The following PKHD1L1 variants were observed in gnomAD, a reference collection of about 807,000 sequenced individuals.
The protein encoded by PKHD1L1 is fibrocystin-L.
In PKHD1L1, 434 loss-of-function variants were observed where a neutral mutation model predicts 462.9. The observed-to-expected ratio is 0.94, with a 90% CI of 0.87 to 1.02. The LOEUF (loss-of-function observed/expected upper bound fraction) is 1.02. PKHD1L1 is among the 50% of genes least tolerant of loss of function. PKHD1L1 has a pLI of 0.00. For missense variants in PKHD1L1, 5,202 were observed against 5,096.1 expected (o/e 1.02, Z -0.63); for synonymous variants, 1,781 against 1,750.0 (o/e 1.02, Z -0.44).
intron 49 of PKHD1L1, among the ~76,000 whole-genome samples, chr8:109,465,994 C>T (rs975501079): frequency 2.0e-5 from 3 of 152,056 alleles, no homozygotes; most frequent in Non-Finnish European, 2.9e-5. Flanking sequence ...GTGAGTCAAT[C>T]GACAGGTAAA....
Position 109,485,169 on chromosome 8 carries a change from C to T in PKHD1L1, c.9702C>T (p.His3234=). The T allele has an allele frequency of 6.4e-7, 1 of 1,569,510 alleles. No individual in the cohort carries two copies. Among genetic ancestry groups the T allele is most frequent in the Non-Finnish European group, 8.6e-7 (1 of 1,157,382 alleles). The change falls in exon 58 of 78, where the codon CAC becomes CAT. Residue 3234 remains histidine (H), a synonymous_variant. Coordinates refer to ENST00000378402, the MANE Select transcript of PKHD1L1 (RefSeq NM_177531.6). ...LILNDSLSYT[H]FAEKYHVPGT... Reference sequence around the variant, plus strand: ...TTAATGATAGCCTTTCCTATACTCACTTTGGTAAGTGGATGCTTTTTAACC... The same window carrying T: ...TTAATGATAGCCTTTCCTATACTCATTTTGGTAAGTGGATGCTTTTTAACC...
rs751443002 is a variant in PKHD1L1, at chr8:109,445,043, ATCT to A, written c.5178_5180del (p.Leu1727del). ...GCTGCCCAACAGCTTGTGGATGTAG[ATCT>A]TCTAATACATGGAGTGCCTGCCCAG... On this transcript the variant is annotated inframe_deletion, in exon 38 of 78. Coordinates refer to ENST00000378402, the MANE Select transcript of PKHD1L1 (RefSeq NM_177531.6). 1.4e-5 allele frequency: 22 copies of A among 1,613,874 alleles called. No individual in the cohort carries two copies. The highest frequency in any genetic ancestry group is 1.8e-5 in the Non-Finnish European group (21 of 1,179,888).
At chr8:109,498,944 G>T in intron 67 of PKHD1L1, 173 bp downstream of exon 67, 1 of 634,824 alleles carries the variant, frequency 1.6e-6, no homozygotes. Flanking sequence ...ATGGTTTCTT[G>T]GCAGGATTCT....
At chr8:109,496,800 T>C in intron 63 of PKHD1L1, 119 bp from the exon 64 acceptor site, 1 of 1,052,332 alleles carries the variant, frequency 9.5e-7, no homozygotes, top group East Asian at 2.4e-5. Context: ...TTAAACCTGA[T>C]ATCAGAATTA....
chr8:109,454,167 G>A lies in PKHD1L1; in HGVS notation c.6665G>A (p.Gly2222Asp), dbSNP rs760490273. 3 of 1,600,104 alleles carry A rather than the reference G, an allele frequency of 1.9e-6. No individual in the cohort carries two copies. Among genetic ancestry groups the A allele is most frequent in the African/African-American group, 2.7e-5 (2 of 74,564 alleles). ...TATTTCAAAATTGTATGATTCATAG[G>A]TGGGACTCTAATATTTGATGAAGCT... ...TPILKMLLIQ[G>D]GTLIFDEADI... The change falls in exon 44 of 78, where the codon GGT becomes GAT. Residue 2222 changes from glycine to aspartate, a missense_variant and splice_region_variant. Gly to Asp is a moderately conservative substitution (Grantham distance 94, BLOSUM62 -1). Around this residue, in one of 3 missense-constraint regions of PKHD1L1, gnomAD observed 4,497 missense variants for 4,336.8 expected, o/e 1.04. Transcript: ENST00000378402.
At position 109,405,118 on chromosome 8, in the gene PKHD1L1, A is replaced by G; in HGVS notation, c.1657A>G (p.Met553Val). 1 of 1,472,858 alleles carries G rather than the reference A, an allele frequency of 6.8e-7. No homozygotes were observed. Among genetic ancestry groups the G allele is most frequent in the South Asian group, 1.3e-5 (1 of 79,234 alleles). The allele number at this position is 1,472,858 out of a possible 1,614,324, so 91.2% of individuals were successfully genotyped here. ...SLYQYRLIYN[M>V]EKTVFLPADA... ...TTACCAATATAGATTAATCTATAAT[A>G]TGGAAAAAACTGGTAAGTTATAAAT... Residue 553 changes from methionine (M) to valine (V), a missense_variant, in exon 16 of 78, where the codon ATG becomes GTG. Physicochemically the swap from Met to Val is conservative, Grantham distance 21. Transcript: ENST00000378402.
chr8:109,455,643 A>G (rs1022224269), intron 45 of PKHD1L1, among the ~76,000 whole-genome samples: 1 of 152,174 alleles, frequency 6.6e-6, no homozygotes, highest in Non-Finnish European at 1.5e-5. Context: ...GTGGATTTCT[A>G]TAACTATATC....
chr8:109,412,477 G>A, intron 20 of PKHD1L1, 63 bp downstream of exon 20: 1 of 1,444,216 alleles, frequency 6.9e-7, no homozygotes, highest in South Asian at 1.4e-5. Flanking sequence ...AAAATTTCAT[G>A]AAATTTTAAG....
chr8:109,394,778 G>GA (rs1318208238), intron 10 of PKHD1L1, among the ~76,000 whole-genome samples: 1 of 152,240 alleles, frequency 6.6e-6, no homozygotes, highest in African/African-American at 2.4e-5. Context: ...TAGAGGGAGG[G>GA]AAAAAATCTC....
chr8:109,509,769 G>A (rs182534401), intron 70 of PKHD1L1, among the ~76,000 whole-genome samples: 5 of 152,072 alleles, frequency 3.3e-5, no homozygotes. Flanking sequence ...CTAAGGAAAA[G>A]GTTAGGCAAT....
In PKHD1L1 at chr8:109,420,506, T is replaced by C; in HGVS notation, c.2525-12T>C. 6.6e-7 allele frequency: 1 copy of C among 1,507,912 alleles called. No homozygotes were observed. Among genetic ancestry groups the C allele is most frequent in the East Asian group, 2.5e-5 (1 of 40,486 alleles). 93.4% of individuals were successfully genotyped at this position (1,507,912 alleles called of 1,614,324 possible). Reference sequence around the variant, plus strand: ...TTTACACCAACCTAATATTTTTATTTATATTCTTTAGAAATGCCCAAGAGA... The same window carrying C: ...TTTACACCAACCTAATATTTTTATTCATATTCTTTAGAAATGCCCAAGAGA... On this transcript the variant is annotated splice_polypyrimidine_tract_variant and intron_variant, in intron 22 of 77. Coordinates refer to ENST00000378402, the MANE Select transcript of PKHD1L1 (RefSeq NM_177531.6).
At chr8:109,527,070 T>A (rs1401620115) in intron 77 of PKHD1L1, 50 bp downstream of exon 77, 1 of 1,449,512 alleles carries the variant, frequency 6.9e-7, no homozygotes, top group Admixed American at 1.9e-5. Flanking sequence ...GAAGTACCAG[T>A]GTTTACTGGA....
rs557148158 is a variant in PKHD1L1 at position 109,455,209 on chromosome 8, A to G, written c.6874+357A>G. On this transcript the variant is annotated intron_variant, in intron 45 of 77. Coordinates refer to ENST00000378402, the MANE Select transcript of PKHD1L1 (RefSeq NM_177531.6). ...AAAATTTAGCCAGGCATGGTGGTGC[A>G]CACCTGTAAGCCCAGCTACTTAGGA... 7.4e-4 allele frequency among the ~76,000 whole-genome samples: 112 copies of G among 152,276 alleles called. 1 individual carries two copies. The Middle Eastern group carries it at 0.017, about 23-fold the overall frequency.
chr8:109,495,611 A>G (rs920335074), intron 63 of PKHD1L1, among the ~76,000 whole-genome samples: 2 of 152,150 alleles, frequency 1.3e-5, no homozygotes, highest in African/African-American at 4.8e-5. Context: ...ATGCATCTAT[A>G]TTGTGTGATT....
intron 25 of PKHD1L1, among the ~76,000 whole-genome samples, chr8:109,428,610 T>C (rs184289811): frequency 2.0e-5 from 3 of 152,340 alleles, no homozygotes; most frequent in East Asian, 3.9e-4. Context: ...ACAATGAAGA[T>C]AGGTCTAGTG....
intron 26 of PKHD1L1, 51 bp downstream of exon 26, chr8:109,429,513 C>T (rs1814967869): frequency 2.0e-6 from 3 of 1,527,700 alleles, no homozygotes; most frequent in Non-Finnish European, 2.7e-6. Context: ...AATAGTATAA[C>T]TAGTTTGTAA....
rs1372840739 is a variant in PKHD1L1, at chr8:109,532,587, G to C, written c.*2497G>C. ...AAGTCATAAAAATCCTTTGATGTGT[G>C]AATATTCTTCTACCTAAGACCTGAA... On this transcript the variant is annotated 3_prime_UTR_variant, in exon 78 of 78. Transcript: ENST00000378402. 6.6e-6 allele frequency among the ~76,000 whole-genome samples: 1 copy of C among 152,146 alleles called. No individual in the cohort carries two copies. Among genetic ancestry groups the C allele is most frequent in the Non-Finnish European group, 1.5e-5 (1 of 68,012 alleles).
At chr8:109,465,342 A>G in intron 49 of PKHD1L1, 97 bp downstream of exon 49, 1 of 1,254,542 alleles carries the variant, frequency 8.0e-7, no homozygotes, top group Non-Finnish European at 1.1e-6. Flanking sequence ...TGCCTTACAG[A>G]TCTTACCCAA....
chr8:109,406,526 CCTGTGCCA>C, intron 17 of PKHD1L1, 48 bp downstream of exon 17: 1 of 1,486,872 alleles, frequency 6.7e-7, no homozygotes, highest in Non-Finnish European at 9.0e-7. Context: ...AAATGTATAT[CCTGTGCCA>C]CTCTAAAAGT....
Sources: gnomAD v4.1 joint callset for allele counts (sites outside exome capture counted in the v4.1 genomes callset) on GRCh38, gnomAD v4.1.1 for gene constraint, gnomAD v4.1.1 regional missense constraint, MANE v1.5 for transcripts, NCBI Gene and HGNC (gene_info 2026-07-23, HGNC 2026-07-21) for gene names.